Variants in FSTL5 observed in about 807,000 individuals in gnomAD.
FSTL5 encodes follistatin-related protein 5.
FSTL5 carries 62 observed loss-of-function variants against 89.1 expected under a neutral mutation model. The ratio of observed to expected loss-of-function variants is 0.70; its 90% CI spans 0.57 to 0.86. The LOEUF (loss-of-function observed/expected upper bound fraction) is 0.86. FSTL5 is among the 40% of genes least tolerant of loss of function. The pLI is 0.00. For missense variants in FSTL5, 1,057 were observed against 1,001.6 expected, an observed-to-expected ratio of 1.06 and a Z score of -0.75; for synonymous variants, 383 against 346.2, an observed-to-expected ratio of 1.11 and a Z score of -1.18.
At chr4:161,531,596 A>T (rs1486499071) in intron 10 of FSTL5, among the ~76,000 whole-genome samples, 1 of 152,202 alleles carries the variant, frequency 6.6e-6, no homozygotes, top group Non-Finnish European at 1.5e-5. Context: ...AGGCGGACTA[A>T]AGTGTAGCTT....
At chr4:161,538,527 T>A (rs1480886824) in intron 9 of FSTL5, among the ~76,000 whole-genome samples, 2 of 152,190 alleles carry the variant, frequency 1.3e-5, no homozygotes, top group Non-Finnish European at 2.9e-5. Flanking sequence ...AATGCATAGT[T>A]TATGTTTTGT....
At chr4:162,030,431 G>C (rs1297177171) in intron 3 of FSTL5, among the ~76,000 whole-genome samples, 1 of 152,130 alleles carries the variant, frequency 6.6e-6, no homozygotes, top group Non-Finnish European at 1.5e-5. Context: ...AGAGGTCAGT[G>C]TCTCTTAATT....
Position 161,965,456 on chromosome 4 carries a change from C to G in FSTL5, c.161-44804G>C, listed in dbSNP as rs545831129. On this transcript the variant is annotated intron_variant, in intron 3 of 15. Transcript: ENST00000306100. Reference sequence around the variant, plus strand: ...ATTGATCTGTGTCTCCTATCTTTTACTTTTGATGTAATCATTTATTCATTT... The same window carrying G: ...ATTGATCTGTGTCTCCTATCTTTTAGTTTTGATGTAATCATTTATTCATTT... Among the ~76,000 whole-genome samples the G allele has an allele frequency of 7.2e-5, 11 of 152,156 alleles. No individual in the cohort carries two copies. In the East Asian group the frequency reaches 1.7e-3, roughly 24 times the overall value.
At chr4:161,719,393 A>T (rs1440190986) in intron 6 of FSTL5, among the ~76,000 whole-genome samples, 1 of 152,192 alleles carries the variant, frequency 6.6e-6, no homozygotes, top group African/African-American at 2.4e-5. Context: ...CAAATGTCAT[A>T]TTTAATGGCA....
chr4:161,824,869 T>C (rs1338096328), intron 4 of FSTL5, among the ~76,000 whole-genome samples: 2 of 151,798 alleles, frequency 1.3e-5, no homozygotes, highest in Admixed American at 6.6e-5. Context: ...GGTATACTAT[T>C]TGGATGCCCT....
Position 161,638,950 on chromosome 4 carries a change from C to G in FSTL5, c.894+17378G>C, listed in dbSNP as rs865829391. Among the ~76,000 whole-genome samples, 426 of 143,824 alleles carry G rather than the reference C, an allele frequency of 3.0e-3. 1 individual carries two copies. The highest frequency in any genetic ancestry group is 7.3e-3 in the African/African-American group (280 of 38,554). 94.4% of individuals were successfully genotyped at this position (143,824 alleles called of 152,430 possible). A position where few individuals can be genotyped will look rare whatever the true frequency, so the allele number is the denominator to read the frequency against. ...AAAGCCTTTGACAAAATTCAACAACCCTTCATGCTAAAAACTCTCAATAAA... is the reference window on the plus strand; with the variant it reads ...AAAGCCTTTGACAAAATTCAACAACGCTTCATGCTAAAAACTCTCAATAAA... On this transcript the variant is annotated intron_variant, in intron 7 of 15. Transcript: ENST00000306100.
At chr4:162,070,223 T>G (rs937841612) in intron 2 of FSTL5, among the ~76,000 whole-genome samples, 1 of 151,926 alleles carries the variant, frequency 6.6e-6, no homozygotes, top group Non-Finnish European at 1.5e-5. Flanking sequence ...TTGTTGTTTC[T>G]GTTAGATGTT....
Position 161,576,962 on chromosome 4 carries a change from G to C in FSTL5, c.1015+10493C>G, listed in dbSNP as rs935155772. ...ACAAATAGTCTTTTCTCCATACATA[G>C]TGACAAAATTAACATTTTTATGAGA... is the stretch of plus-strand genomic sequence containing the variant. On this transcript the variant is annotated intron_variant, in intron 8 of 15. Transcript: ENST00000306100. 3.3e-5 allele frequency among the ~76,000 whole-genome samples: 5 copies of C among 152,266 alleles called. No homozygotes were observed. The East Asian group carries it at 9.7e-4, about 29-fold the overall frequency.
intron 11 of FSTL5, among the ~76,000 whole-genome samples, chr4:161,510,132 G>A (rs1303631335): frequency 6.6e-6 from 1 of 151,894 alleles, no homozygotes; most frequent in Non-Finnish European, 1.5e-5. Flanking sequence ...GATTGCTTTT[G>A]TTTCTTTGGT....
At chr4:161,576,960 T>C (rs1733231876) in intron 8 of FSTL5, among the ~76,000 whole-genome samples, 1 of 152,202 alleles carries the variant, frequency 6.6e-6, no homozygotes, top group Admixed American at 6.5e-5. Context: ...TCTCCATACA[T>C]AGTGACAAAA....
At chr4:162,158,559 A>C (rs1733573357) in intron 1 of FSTL5, among the ~76,000 whole-genome samples, 1 of 152,074 alleles carries the variant, frequency 6.6e-6, no homozygotes, top group African/African-American at 2.4e-5. Flanking sequence ...ATAGCTAGTT[A>C]CTGGACTTTT....
intron 15 of FSTL5, among the ~76,000 whole-genome samples, chr4:161,445,399 C>A (rs1174860976): frequency 6.6e-6 from 1 of 151,742 alleles, no homozygotes; most frequent in Non-Finnish European, 1.5e-5. Flanking sequence ...CAATTATTTA[C>A]ATTATAGACT....
chr4:161,873,118 C>G (rs1732328069), intron 4 of FSTL5, among the ~76,000 whole-genome samples: 1 of 152,230 alleles, frequency 6.6e-6, no homozygotes, highest in East Asian at 1.9e-4. Flanking sequence ...TGTTAAGAGG[C>G]AAAAGATAGC....
intron 10 of FSTL5, among the ~76,000 whole-genome samples, chr4:161,516,202 T>G (rs1730823256): frequency 6.7e-6 from 1 of 149,102 alleles, no homozygotes; most frequent in South Asian, 2.1e-4. Flanking sequence ...TACCTTCTGC[T>G]TATGTCCTCA....
chr4:162,151,455 A>G (rs1432777445), intron 1 of FSTL5, among the ~76,000 whole-genome samples: 3 of 152,188 alleles, frequency 2.0e-5, no homozygotes, highest in African/African-American at 7.2e-5. Context: ...CTGAAATAGA[A>G]CAAAAAATGA....
chr4:161,975,966 A>T (rs1271134556), intron 3 of FSTL5, among the ~76,000 whole-genome samples: 3 of 150,930 alleles, frequency 2.0e-5, no homozygotes, highest in Admixed American at 6.6e-5. Flanking sequence ...ATACAAAAAA[A>T]AATTAGCCAG....
chr4:162,064,052 C>G lies in FSTL5; in HGVS notation c.127-30394G>C, dbSNP rs190362463. On this transcript the variant is annotated intron_variant, in intron 2 of 15. Coordinates refer to ENST00000306100, the MANE Select transcript of FSTL5 (RefSeq NM_020116.5). The stretch of plus-strand genomic sequence containing the variant: ...TGCCTTACTTACATTTTTTTTCTAT[C>G]TTCTCTCTGTTAATTATTTAGCTGT... 2.0e-3 allele frequency among the ~76,000 whole-genome samples: 297 copies of G among 151,584 alleles called. 1 individual carries two copies. Among genetic ancestry groups the G allele is most frequent in the Non-Finnish European group, 3.4e-3 (230 of 67,784 alleles).
chr4:161,542,374 C>T (rs1054639806), intron 9 of FSTL5, among the ~76,000 whole-genome samples, 158 bp downstream of exon 9: 1 of 152,006 alleles, frequency 6.6e-6, no homozygotes, highest in African/African-American at 2.4e-5. Context: ...AAGAATCTTT[C>T]CCATATAATT....
At chr4:161,992,500 G>C (rs73861008) in intron 3 of FSTL5, among the ~76,000 whole-genome samples, 5,343 of 151,968 alleles carry the variant, frequency 0.035, 279 homozygotes, top group African/African-American at 0.12. Flanking sequence ...GAAAGACAGG[G>C]GGAGGAGCAA....
Sources: allele counts gnomAD v4.1 joint callset (sites outside exome capture counted in the v4.1 genomes callset), GRCh38; gene constraint gnomAD v4.1.1; transcripts MANE v1.5; gene names NCBI Gene and HGNC (gene_info 2026-07-23, HGNC 2026-07-21).